Variants in MUC5AC observed in about 807,000 individuals in gnomAD.
The protein encoded by MUC5AC is mucin-5AC.
In MUC5AC, 158 loss-of-function variants were observed where a neutral mutation model predicts 169.7. The observed-to-expected ratio is 0.93, with a 90% CI of 0.82 to 1.06. The LOEUF is 1.06. Ranked by LOEUF, MUC5AC falls within the 50% of genes least tolerant of loss-of-function variation. The pLI, the probability that MUC5AC is intolerant of heterozygous loss-of-function variation, is 0.00. For synonymous variants in MUC5AC, 1,975 were observed against 1,237.0 expected, an observed-to-expected ratio of 1.60 and a Z score of -12.52; for missense variants, 4,359 against 3,089.9, an observed-to-expected ratio of 1.41 and a Z score of -9.74.
rs551030212 is a variant in MUC5AC, at chr11:1,158,844, C to T, written c.73+772C>T. 2.0e-5 allele frequency among the ~76,000 whole-genome samples: 3 copies of T among 152,236 alleles called. No individual in the cohort carries two copies. In the South Asian group the frequency reaches 6.2e-4, roughly 32 times the overall value. On this transcript the variant is annotated intron_variant, in intron 1 of 48. Coordinates refer to ENST00000621226, the MANE Select transcript of MUC5AC (RefSeq NM_001304359.2). ...GGCCCACCCAGGTCCCTCGCCCAGC[C>T]CTGTCCCCAGCCTCTGGCCCTCTGC...
intron 40 of MUC5AC, 138 bp downstream of exon 40, chr11:1,197,046 AGGGCTGC>A: frequency 1.6e-6 from 1 of 636,486 alleles, no homozygotes; most frequent in East Asian, 2.7e-5. Flanking sequence ...GCCCAGAGAA[AGGGCTGC>A]GGGAGGAGCC....
intron 19 of MUC5AC, among the ~76,000 whole-genome samples, chr11:1,175,916 C>CAT (rs1491267889): frequency 4.9e-5 from 7 of 144,002 alleles, no homozygotes; most frequent in African/African-American, 1.8e-4. Context: ...CACACACACC[C>CAT]ACTCATGCAC....
chr11:1,162,608 G>T lies in MUC5AC; in HGVS notation c.550G>T (p.Gly184Cys). ...CTACACCAAGGTGGAGGCCAGGCTGGGCCTTGTCCTCATGTGGAACCACGA... is the reference window on the plus strand; with the variant it reads ...CTACACCAAGGTGGAGGCCAGGCTGTGCCTTGTCCTCATGTGGAACCACGA... ...SSYTKVEARL[G>C]LVLMWNHDDS... The change falls in exon 5 of 49, where the codon GGC becomes TGC. Residue 184 changes from glycine (G) to cysteine (C), a missense_variant. Physicochemically the swap from Gly to Cys is radical, Grantham distance 159 (BLOSUM62 -3). Coordinates refer to ENST00000621226, the MANE Select transcript of MUC5AC (RefSeq NM_001304359.2). The T allele has an allele frequency of 6.2e-7, 1 of 1,612,744 alleles. No individual in the cohort carries two copies. The highest frequency in any genetic ancestry group is 8.5e-7 in the Non-Finnish European group (1 of 1,179,866).
chr11:1,172,019 G>C (rs1860563802), intron 15 of MUC5AC, among the ~76,000 whole-genome samples: 1 of 152,194 alleles, frequency 6.6e-6, no homozygotes, highest in South Asian at 2.1e-4. Context: ...TTGGGCGCCA[G>C]CCGTGGGGAG....
chr11:1,163,823 G>A (rs1420952803), intron 6 of MUC5AC, 59 bp from the exon 7 acceptor site: 11 of 1,380,690 alleles, frequency 8.0e-6, no homozygotes, highest in East Asian at 7.5e-5. Flanking sequence ...TGCTGCTCGG[G>A]TGCTGGGCTG....
In MUC5AC at chr11:1,186,815, C is replaced by G. The variant is rs2133759412; in HGVS notation, c.8670C>G (p.Thr2890=). The part of the protein sequence containing the change: ...PGTTPSPVPT[T]STTSAPTTRT... ...CTACTCCCAGCCCTGTTCCCACCAC[C>G]AGTACAACCTCTGCTCCTACAACCA... Residue 2890 remains threonine, a synonymous_variant, in exon 31 of 49, where the codon ACC becomes ACG. Coordinates refer to ENST00000621226, the MANE Select transcript of MUC5AC (RefSeq NM_001304359.2). 3 of 742,498 alleles carry G rather than the reference C, an allele frequency of 4.0e-6. No individual in the cohort carries two copies. The highest frequency in any genetic ancestry group is 2.8e-5 in the South Asian group (2 of 71,646). 46.0% of individuals were successfully genotyped at this position (742,498 alleles called of 1,614,324 possible).
rs958373646 is a variant in MUC5AC, at chr11:1,176,593, A to G, written c.2582A>G (p.Glu861Gly). Residue 861 changes from glutamate to glycine, a missense_variant, in exon 21 of 49, where the codon GAG (glutamate) becomes GGG (glycine). Transcript: ENST00000621226. ...GGCGAGGGCGGCTGCATCACTGCGG[A>G]GGACTGCCCCTGCGTGCACAATGAG... is the stretch of plus-strand genomic sequence containing the variant. ...ADGEGGCITAEDCPCVHNEAS... is the reference protein window; with the variant it reads ...ADGEGGCITAGDCPCVHNEAS... The G allele has an allele frequency of 1.0e-5, 4 of 399,480 alleles. No homozygotes were observed. Among genetic ancestry groups the G allele is most frequent in the Non-Finnish European group, 1.8e-5 (4 of 226,840 alleles). The allele number at this position is 399,480 out of a possible 1,614,324, so 24.7% of individuals were successfully genotyped here. A position where few individuals can be genotyped will look rare whatever the true frequency, so the allele number is the denominator to read the frequency against.
In MUC5AC at chr11:1,185,396, A is replaced by C. The variant is rs1860913594; in HGVS notation, c.7251A>C (p.Thr2417=). The change falls in exon 31 of 49, where the codon ACA becomes ACC. Residue 2417 remains threonine (T), a synonymous_variant. Transcript: ENST00000621226. ...ATTTSTTSAP[T]TSTTSAPTSS... Reference sequence around the variant, plus strand: ...CAACCAGCACAACCTCAGCTCCTACAACCAGCACAACCTCTGCCCCTACAA... The same window carrying C: ...CAACCAGCACAACCTCAGCTCCTACCACCAGCACAACCTCTGCCCCTACAA... The C allele has an allele frequency of 1.4e-6, 1 of 731,816 alleles. No individual in the cohort carries two copies. Among genetic ancestry groups the C allele is most frequent in the Non-Finnish European group, 2.5e-6 (1 of 401,314 alleles). 45.3% of individuals were successfully genotyped at this position (731,816 alleles called of 1,614,324 possible).
intron 33 of MUC5AC, 76 bp from the exon 34 acceptor site, chr11:1,194,034 C>A: frequency 1.6e-6 from 1 of 611,626 alleles, no homozygotes; most frequent in South Asian, 1.5e-5. Context: ...ACAGATGTGA[C>A]CTGTTGGGAG....
At chr11:1,158,120 C>G in intron 1 of MUC5AC, 48 bp downstream of exon 1, 1 of 1,499,980 alleles carries the variant, frequency 6.7e-7, no homozygotes, top group Non-Finnish European at 9.0e-7. Context: ...TGGTGCGGTA[C>G]TGAGTGGGCC....
In MUC5AC at chr11:1,192,116, C is replaced by A. The variant is rs751117263; in HGVS notation, c.13971C>A (p.Ile4657=). ...HGGDKETYNN[I]IRSGEKICRR... ...GGGACAAGGAAACCTACAACAACATCATCAGGAGTGGGGAAAAAATCTGCC... is the reference window on the plus strand; with the variant it reads ...GGGACAAGGAAACCTACAACAACATAATCAGGAGTGGGGAAAAAATCTGCC... The change falls in exon 31 of 49, where the codon ATC becomes ATA. Residue 4657 remains isoleucine, a synonymous_variant. Coordinates refer to ENST00000621226, the MANE Select transcript of MUC5AC (RefSeq NM_001304359.2). 1.3e-6 allele frequency: 1 copy of A among 764,958 alleles called. No individual in the cohort carries two copies. Among genetic ancestry groups the A allele is most frequent in the Non-Finnish European group, 2.4e-6 (1 of 417,904 alleles). The allele number at this position is 764,958 out of a possible 1,614,324, so 47.4% of individuals were successfully genotyped here.
rs985142078 is a variant in MUC5AC at position 1,175,059 on chromosome 11, A to C, written c.2270A>C (p.Gln757Pro). 6.6e-4 allele frequency: 264 copies of C among 400,302 alleles called. 1 individual carries two copies. In the East Asian group the frequency reaches 8.7e-3, roughly 13 times the overall value. 24.8% of individuals were successfully genotyped at this position (400,302 alleles called of 1,614,324 possible). ...CTGGACGACACGGGCAAGTGTGTGCAGGCCAGCAACTGTCCCTGCTACCAC... is the reference window on the plus strand; with the variant it reads ...CTGGACGACACGGGCAAGTGTGTGCCGGCCAGCAACTGTCCCTGCTACCAC... The part of the protein sequence containing the change: ...TFLDDTGKCV[Q>P]ASNCPCYHRG... The change falls in exon 18 of 49, where the codon CAG becomes CCG. Residue 757 changes from glutamine to proline, a missense_variant. Gln to Pro is a moderately conservative substitution (Grantham distance 76). Coordinates refer to ENST00000621226, the MANE Select transcript of MUC5AC (RefSeq NM_001304359.2).
intron 3 of MUC5AC, 120 bp from the exon 4 acceptor site, chr11:1,161,787 C>A: frequency 7.0e-7 from 1 of 1,433,628 alleles, no homozygotes; most frequent in Non-Finnish European, 9.3e-7. Flanking sequence ...GGTGCCCCGT[C>A]CAGGGCAGCA....
rs1191960046 is a variant in MUC5AC, at chr11:1,185,855, T to C, written c.7710T>C (p.Thr2570=). The change falls in exon 31 of 49, where the codon ACT becomes ACC. Residue 2570 remains threonine (T), a synonymous_variant. Transcript: ENST00000621226. The part of the protein sequence containing the change: ...TTTSTTSGPG[T]TPSPVPTTST... ...CCAGCACAACCTCTGGTCCTGGAACTACTCCCAGCCCTGTTCCTACCACGA... is the reference window on the plus strand; with the variant it reads ...CCAGCACAACCTCTGGTCCTGGAACCACTCCCAGCCCTGTTCCTACCACGA... 5.0e-5 allele frequency: 37 copies of C among 739,296 alleles called. No individual in the cohort carries two copies. In the Admixed American group the frequency reaches 6.0e-4, roughly 12 times the overall value. 45.8% of individuals were successfully genotyped at this position (739,296 alleles called of 1,614,324 possible).
intron 3 of MUC5AC, 84 bp from the exon 4 acceptor site, chr11:1,161,823 G>C: frequency 1.3e-6 from 2 of 1,510,028 alleles, no homozygotes; most frequent in Non-Finnish European, 1.8e-6. Context: ...CCCTGGGGAG[G>C]GGCAGGAGGT....
chr11:1,167,671 T>C (rs1020913275), intron 11 of MUC5AC, among the ~76,000 whole-genome samples: 5 of 152,208 alleles, frequency 3.3e-5, no homozygotes, highest in Admixed American at 6.5e-5. Context: ...TTGCAGAGTG[T>C]GGCCTCCTCA....
chr11:1,194,999 C>A lies in MUC5AC; in HGVS notation c.15191-13C>A. The A allele has an allele frequency of 4.2e-6, 3 of 718,016 alleles. No individual in the cohort carries two copies. The highest frequency in any genetic ancestry group is 1.9e-5 in the Admixed American group (1 of 53,434). 44.5% of individuals were successfully genotyped at this position (718,016 alleles called of 1,614,324 possible). A position where few individuals can be genotyped will look rare whatever the true frequency, so the allele number is the denominator to read the frequency against. ...TGCTGTCCAGCAGCCTGACCCCCAC[C>A]GCGTCTGCCCAGGCACTTGCACCAA... On this transcript the variant is annotated splice_polypyrimidine_tract_variant and intron_variant, in intron 35 of 48. Coordinates refer to ENST00000621226, the MANE Select transcript of MUC5AC (RefSeq NM_001304359.2).
rs769858526 is a variant in MUC5AC, at chr11:1,192,175, G to A, written c.14030G>A (p.Arg4677Gln). ...GAGGAGATCACCAGGCTCCAGTGCC[G>A]AGCCGAGAGCCACCCGGAGGTGAAC... ...RPEEITRLQC[R>Q]AESHPEVNIE... The change falls in exon 31 of 49, where the codon CGA becomes CAA. Residue 4677 changes from arginine (R) to glutamine (Q), a missense_variant. Physicochemically the swap from Arg to Gln is conservative, Grantham distance 43 (BLOSUM62 1). Coordinates refer to ENST00000621226, the MANE Select transcript of MUC5AC (RefSeq NM_001304359.2). 19 of 765,102 alleles carry A rather than the reference G, an allele frequency of 2.5e-5. No homozygotes were observed. Among genetic ancestry groups the A allele is most frequent in the South Asian group, 8.0e-5 (6 of 74,618 alleles). 47.4% of individuals were successfully genotyped at this position (765,102 alleles called of 1,614,324 possible).
In MUC5AC at chr11:1,192,966, C is replaced by A. The variant is rs772182698; in HGVS notation, c.14564C>A (p.Ala4855Glu). Reference sequence around the variant, plus strand: ...GTCACTGAGCTGGGATGCCCAAATGCGGTTCCCCCCAGAAAGGTAACCCCC... The same window carrying A: ...GTCACTGAGCTGGGATGCCCAAATGAGGTTCCCCCCAGAAAGGTAACCCCC... ...EPVTELGCPN[A>E]VPPRKKGETW... is the part of the protein sequence containing the mutation. The change falls in exon 32 of 49, where the codon GCG (alanine) becomes GAG (glutamate). Residue 4855 changes from alanine to glutamate, a missense_variant. Physicochemically the swap from Ala to Glu is moderately radical, Grantham distance 107 (BLOSUM62 -1). Coordinates refer to ENST00000621226, the MANE Select transcript of MUC5AC (RefSeq NM_001304359.2). The A allele has an allele frequency of 1.4e-6, 1 of 722,796 alleles. No homozygotes were observed. 44.8% of individuals were successfully genotyped at this position (722,796 alleles called of 1,614,324 possible).
Sources: gnomAD v4.1 joint callset for allele counts (sites outside exome capture counted in the v4.1 genomes callset) on GRCh38, gnomAD v4.1.1 for gene constraint, MANE v1.5 for transcripts, NCBI Gene and HGNC (gene_info 2026-07-23, HGNC 2026-07-21) for gene names.